SAFB: variants seen among roughly 807,000 people sequenced by gnomAD.
SAFB encodes the protein scaffold attachment factor B.
In SAFB, 15 loss-of-function variants were observed where a neutral mutation model predicts 101.6. That is an observed-to-expected ratio of 0.15 (90% CI 0.10 to 0.23). SAFB has a LOEUF of 0.23. Ranked by LOEUF, SAFB falls within the 10% of genes least tolerant of loss-of-function variation. The pLI is 1.00. For synonymous variants in SAFB, 449 were observed against 407.5 expected, an observed-to-expected ratio of 1.10 and a Z score of -1.23; for missense variants, 930 against 1,104.1, an observed-to-expected ratio of 0.84 and a Z score of 2.23.
chr19:5,625,151 C>T (rs1477376734), intron 1 of SAFB, among the ~76,000 whole-genome samples: 1 of 152,204 alleles, frequency 6.6e-6, no homozygotes, highest in East Asian at 1.9e-4. Flanking sequence ...GCCACTCACC[C>T]AAGCCAGTCT....
intron 2 of SAFB, among the ~76,000 whole-genome samples, chr19:5,639,556 A>C (rs963713580): frequency 6.6e-6 from 1 of 151,654 alleles, no homozygotes; most frequent in Non-Finnish European, 1.5e-5. Flanking sequence ...AACTGGGTGT[A>C]GTGGCAGGCG....
intron 15 of SAFB, among the ~76,000 whole-genome samples, 170 bp downstream of exon 15, chr19:5,661,978 G>C (rs1037995792): frequency 6.6e-6 from 1 of 151,406 alleles, no homozygotes; most frequent in Non-Finnish European, 1.5e-5. Context: ...TCTGCCTCCC[G>C]GGTTCACACC....
At chr19:5,642,697 T>C (rs1231841889) in intron 4 of SAFB, among the ~76,000 whole-genome samples, 1 of 141,200 alleles carries the variant, frequency 7.1e-6, no homozygotes, top group African/African-American at 2.7e-5. Context: ...AGTTTTGCTG[T>C]TGTTGCCCAG....
intron 14 of SAFB, among the ~76,000 whole-genome samples, chr19:5,660,285 G>GTAGT (rs893935911): frequency 4.3e-5 from 6 of 140,596 alleles, no homozygotes; most frequent in Non-Finnish European, 7.6e-5. Context: ...TGCTGTGTCA[G>GTAGT]TAGTTGGTAT....
intron 2 of SAFB, among the ~76,000 whole-genome samples, chr19:5,630,538 C>T (rs1372679078): frequency 6.6e-6 from 1 of 152,156 alleles, no homozygotes; most frequent in Non-Finnish European, 1.5e-5. Flanking sequence ...GGTGGATCAC[C>T]TGAGGTCAGG....
intron 2 of SAFB, among the ~76,000 whole-genome samples, chr19:5,640,972 C>G (rs894237373): frequency 6.6e-6 from 1 of 150,568 alleles, no homozygotes; most frequent in African/African-American, 2.4e-5. Flanking sequence ...TCTTGTTGCC[C>G]AGGCTGGAGT....
chr19:5,654,866 C>G (rs1286367887), intron 13 of SAFB, among the ~76,000 whole-genome samples: 9 of 152,256 alleles, frequency 5.9e-5, no homozygotes, highest in Non-Finnish European at 1.2e-4. Flanking sequence ...CTGCGCCCAG[C>G]CTCAAATTAT....
In SAFB at chr19:5,657,472, T is replaced by C. The variant is rs2054089673; in HGVS notation, c.1862+125T>C. On this transcript the variant is annotated intron_variant, in intron 14 of 20. Transcript: ENST00000588852. ...CTGTGAACCTTTTTGCTCCTTCAGC[T>C]TTCAGTTCATAGACTTGTTATGTTT... 4.8e-6 allele frequency: 3 copies of C among 622,860 alleles called. No homozygotes were observed. The African/African-American group carries it at 5.6e-5, about 12-fold the overall frequency. The allele number at this position is 622,860 out of a possible 1,614,324, so 38.6% of individuals were successfully genotyped here. A position where few individuals can be genotyped will look rare whatever the true frequency, so the allele number is the denominator to read the frequency against.
intron 2 of SAFB, among the ~76,000 whole-genome samples, chr19:5,630,491 C>T (rs1201060521): frequency 6.6e-6 from 1 of 152,136 alleles, no homozygotes; most frequent in Non-Finnish European, 1.5e-5. Flanking sequence ...ACTGTAAGGC[C>T]AGGTGCGGTG....
At chr19:5,623,819 G>C (rs945480944) in intron 1 of SAFB, 1 of 165,808 alleles carries the variant, frequency 6.0e-6, no homozygotes, top group African/African-American at 2.4e-5. Flanking sequence ...TGGGATTCCT[G>C]ATTCGGCTGC....
intron 14 of SAFB, among the ~76,000 whole-genome samples, chr19:5,658,559 G>C (rs866071207): frequency 6.6e-5 from 10 of 152,218 alleles, no homozygotes; most frequent in Admixed American, 6.5e-5. Flanking sequence ...GGGCATGTAG[G>C]CCAGGCGCGG....
intron 2 of SAFB, among the ~76,000 whole-genome samples, chr19:5,635,700 G>C (rs2053581398): frequency 6.6e-6 from 1 of 152,124 alleles, no homozygotes; most frequent in Non-Finnish European, 1.5e-5. Flanking sequence ...AGTGAGATTG[G>C]ACAGTCTCTG....
chr19:5,666,472 G>A (rs2054329809), intron 17 of SAFB: 1 of 160,326 alleles, frequency 6.2e-6, no homozygotes, highest in Non-Finnish European at 1.4e-5. Context: ...CCTGAGCAGA[G>A]CAAGGTGCAA....
chr19:5,641,170 C>T (rs1240849999), intron 2 of SAFB, among the ~76,000 whole-genome samples: 1 of 152,128 alleles, frequency 6.6e-6, no homozygotes, highest in African/African-American at 2.4e-5. Flanking sequence ...GCATCCGGCC[C>T]TTCTTTTTTC....
At chr19:5,664,959 C>T (rs1289672596) in intron 17 of SAFB, 1 of 156,248 alleles carries the variant, frequency 6.4e-6, no homozygotes, top group Non-Finnish European at 1.4e-5. Flanking sequence ...TCCATTTTCT[C>T]CTTCCATCTT....
chr19:5,667,870 C>G lies in SAFB; in HGVS notation c.2608C>G (p.Arg870Gly). 2 of 1,609,298 alleles carry G rather than the reference C, an allele frequency of 1.2e-6. No individual in the cohort carries two copies. The highest frequency in any genetic ancestry group is 8.5e-7 in the Non-Finnish European group (1 of 1,177,856). Residue 870 changes from arginine to glycine, a missense_variant, in exon 20 of 21, where the codon CGA becomes GGA. Arg to Gly is a moderately radical substitution (Grantham distance 125). This residue lies in a region of SAFB where 318 missense variants were observed against 342.6 expected (regional missense o/e 0.93). Transcript: ENST00000588852. This position sits in a 1 kb window ranked among gnomAD's most constrained non-coding sequence, Gnocchi z 4.0. ...GHSGPGHMMNRGGMSGRGSFA... is the reference protein window; with the variant it reads ...GHSGPGHMMNGGGMSGRGSFA... ...CTCCGGGCCTGGCCACATGATGAACCGAGGAGGAATGTCAGGGTAAGGCAT... is the reference window on the plus strand; with the variant it reads ...CTCCGGGCCTGGCCACATGATGAACGGAGGAGGAATGTCAGGGTAAGGCAT...
intron 5 of SAFB, among the ~76,000 whole-genome samples, chr19:5,646,615 G>T (rs1489309048): frequency 6.6e-6 from 1 of 152,154 alleles, no homozygotes; most frequent in Non-Finnish European, 1.5e-5. Flanking sequence ...CATGGGGTAG[G>T]GTACATGGGG....
At chr19:5,647,438 T>C (rs1023642257) in intron 5 of SAFB, among the ~76,000 whole-genome samples, 5 of 152,320 alleles carry the variant, frequency 3.3e-5, no homozygotes, top group African/African-American at 1.2e-4. Context: ...GGCACCAGCC[T>C]GAGTGGACAG....
chr19:5,623,180 T>G lies in SAFB; in HGVS notation c.-26T>G. ...AAAACCGGCCCGGTTCTGTGGAAAG[T>G]GGGCGGCGGAGCCAGGGTCCCTGGA... On this transcript the variant is annotated 5_prime_UTR_variant, in exon 1 of 21. Coordinates refer to ENST00000588852, the MANE Select transcript of SAFB (RefSeq NM_001201338.2). 1 of 1,557,538 alleles carries G rather than the reference T, an allele frequency of 6.4e-7. No homozygotes were observed. Among genetic ancestry groups the G allele is most frequent in the South Asian group, 1.2e-5 (1 of 85,250 alleles).
Sources: allele counts gnomAD v4.1 joint callset (sites outside exome capture counted in the v4.1 genomes callset), GRCh38; gene constraint gnomAD v4.1.1; regional missense constraint gnomAD v4.1.1; non-coding constraint Gnocchi (gnomAD v3.1); transcripts MANE v1.5; gene names NCBI Gene and HGNC (gene_info 2026-07-23, HGNC 2026-07-21).